The following SNTG1 variants were observed in gnomAD, a reference collection of about 807,000 sequenced individuals.
The protein encoded by SNTG1 is gamma-1-syntrophin.
Under a neutral mutation model 74.7 loss-of-function variants are expected in SNTG1, and 39 were observed. That is an observed-to-expected ratio of 0.52 (90% CI 0.40 to 0.68). SNTG1 has a LOEUF of 0.68. Among genes scored for constraint, SNTG1 ranks in the 30% least tolerant of loss-of-function variants. SNTG1 has a pLI of 0.00. For synonymous variants in SNTG1, 254 were observed against 217.1 expected, an observed-to-expected ratio of 1.17 and a Z score of -1.49; for missense variants, 685 against 609.5, an observed-to-expected ratio of 1.12 and a Z score of -1.30.
intron 1 of SNTG1, among the ~76,000 whole-genome samples, chr8:50,157,217 T>C (rs1363774289): frequency 6.6e-6 from 1 of 152,058 alleles, no homozygotes; most frequent in African/African-American, 2.4e-5. Flanking sequence ...TGCATAGCTG[T>C]GGTAGTATTT....
chr8:50,739,061 A>ATGGGATCT (rs1014212989), intron 17 of SNTG1, among the ~76,000 whole-genome samples: 1 of 152,142 alleles, frequency 6.6e-6, no homozygotes, highest in African/African-American at 2.4e-5. Flanking sequence ...AAATTGACAA[A>ATGGGATCT]TGGGATCTTG....
rs367908156 is a variant in SNTG1, at chr8:50,089,466, G to A, written c.-102-83095G>A. On this transcript the variant is annotated intron_variant, in intron 1 of 18. Coordinates refer to ENST00000642720, the MANE Select transcript of SNTG1 (RefSeq NM_018967.5). ...AAAGAAACTACCATCAGAGTGAACAGGCAACCTACAAAATGGGAGAAAATT... is the reference window on the plus strand; with the variant it reads ...AAAGAAACTACCATCAGAGTGAACAAGCAACCTACAAAATGGGAGAAAATT... 8.2e-3 allele frequency among the ~76,000 whole-genome samples: 1,240 copies of A among 151,486 alleles called. 9 individuals carry two copies. Among genetic ancestry groups the A allele is most frequent in the Non-Finnish European group, 0.013 (891 of 67,870 alleles).
At chr8:50,461,156 G>GGT (rs71233496) in intron 8 of SNTG1, among the ~76,000 whole-genome samples, 6,904 of 124,076 alleles carry the variant, frequency 0.056, 248 homozygotes, top group African/African-American at 0.094. Context: ...AGATTTTTCT[G>GGT]GTGTGTGTGT....
chr8:50,035,919 C>T (rs888341739), intron 1 of SNTG1, among the ~76,000 whole-genome samples: 3 of 152,006 alleles, frequency 2.0e-5, no homozygotes, highest in African/African-American at 7.2e-5. Flanking sequence ...GACTGAAGGA[C>T]AGCTTGGTGA....
At chr8:50,719,289 G>C (rs575484423) in intron 17 of SNTG1, among the ~76,000 whole-genome samples, 1 of 152,146 alleles carries the variant, frequency 6.6e-6, no homozygotes, top group African/African-American at 2.4e-5. Context: ...CTGTCCTCAT[G>C]AGTGGAATTA....
chr8:50,110,827 A>T (rs2131300187), intron 1 of SNTG1, among the ~76,000 whole-genome samples: 1 of 152,180 alleles, frequency 6.6e-6, no homozygotes, highest in Non-Finnish European at 1.5e-5. Context: ...ATGTACAAAA[A>T]TTGGCCCCTG....
At chr8:50,137,013 C>T (rs2081496191) in intron 1 of SNTG1, among the ~76,000 whole-genome samples, 1 of 152,058 alleles carries the variant, frequency 6.6e-6, no homozygotes, top group South Asian at 2.1e-4. Flanking sequence ...AAAAGATATA[C>T]AGAGAGCATC....
chr8:50,271,770 TTTTG>T (rs1253963694), intron 2 of SNTG1, among the ~76,000 whole-genome samples: 2 of 152,178 alleles, frequency 1.3e-5, no homozygotes, highest in African/African-American at 4.8e-5. Context: ...CTGGGAATGC[TTTTG>T]TTTAAGACAT....
At chr8:50,080,166 T>A (rs1308894620) in intron 1 of SNTG1, among the ~76,000 whole-genome samples, 1 of 152,178 alleles carries the variant, frequency 6.6e-6, no homozygotes, top group East Asian at 1.9e-4. Context: ...GGTTCCATAC[T>A]ATTTTCTATG....
intron 11 of SNTG1, 84 bp from the exon 12 acceptor site, chr8:50,552,966 T>C: frequency 6.6e-7 from 1 of 1,504,904 alleles, no homozygotes; most frequent in South Asian, 1.2e-5. Context: ...GTATGAAAGA[T>C]AAGCTTTTCA....
chr8:50,415,051 A>T (rs1471416759), intron 4 of SNTG1, among the ~76,000 whole-genome samples: 2 of 152,184 alleles, frequency 1.3e-5, no homozygotes, highest in Non-Finnish European at 2.9e-5. Flanking sequence ...AAAACTTTAA[A>T]TTATTATCCT....
At chr8:50,078,379 C>A (rs1373948482) in intron 1 of SNTG1, among the ~76,000 whole-genome samples, 1 of 152,138 alleles carries the variant, frequency 6.6e-6, no homozygotes, top group Admixed American at 6.5e-5. Flanking sequence ...TTCTTCCCGG[C>A]ATTCCATGAC....
intron 2 of SNTG1, among the ~76,000 whole-genome samples, chr8:50,378,621 A>C (rs76414463): frequency 0.05 from 7,653 of 152,212 alleles, 255 homozygotes; most frequent in Non-Finnish European, 0.071. Context: ...TTCTTCAGGC[A>C]GGATATCCCA....
intron 13 of SNTG1, among the ~76,000 whole-genome samples, chr8:50,640,185 T>G (rs2095063498): frequency 6.6e-6 from 1 of 152,294 alleles, no homozygotes; most frequent in East Asian, 1.9e-4. Context: ...ACTTCCTTTA[T>G]TGTGTATGGT....
intron 1 of SNTG1, among the ~76,000 whole-genome samples, chr8:50,045,016 GAGC>G (rs1417878910): frequency 1.3e-5 from 2 of 152,214 alleles, no homozygotes; most frequent in Admixed American, 6.5e-5. Context: ...CAGACTGAGA[GAGC>G]AAGTCTACAT....
chr8:50,715,196 C>T (rs577316171), intron 17 of SNTG1, among the ~76,000 whole-genome samples: 23 of 152,200 alleles, frequency 1.5e-4, no homozygotes, highest in African/African-American at 4.8e-4. Context: ...CAGGGCTGCA[C>T]GGGATGTCAC....
chr8:50,076,359 A>G (rs758071478), intron 1 of SNTG1, among the ~76,000 whole-genome samples: 5 of 152,200 alleles, frequency 3.3e-5, no homozygotes, highest in Non-Finnish European at 7.3e-5. Flanking sequence ...ATGTTAGTAT[A>G]CTATTAATGT....
At chr8:50,083,922 T>C (rs935451349) in intron 1 of SNTG1, among the ~76,000 whole-genome samples, 2 of 152,236 alleles carry the variant, frequency 1.3e-5, no homozygotes, top group African/African-American at 4.8e-5. Context: ...ATGGTTTTCT[T>C]ATTCTGCAAT....
intron 2 of SNTG1, among the ~76,000 whole-genome samples, chr8:50,326,651 T>TA (rs1353121428): frequency 6.6e-6 from 1 of 151,206 alleles, no homozygotes; most frequent in African/African-American, 2.4e-5. Flanking sequence ...GAATCAGCTC[T>TA]TTAAAAAAAT....
Sources: allele counts gnomAD v4.1 joint callset (sites outside exome capture counted in the v4.1 genomes callset), GRCh38; gene constraint gnomAD v4.1.1; transcripts MANE v1.5; gene names NCBI Gene and HGNC (gene_info 2026-07-23, HGNC 2026-07-21).